Variants in CNNM2 observed in about 807,000 individuals in gnomAD.
CNNM2 encodes the protein cyclin and CBS domain divalent metal cation transport mediator 2.
In CNNM2, 12 loss-of-function variants were observed where a neutral mutation model predicts 66.9. The ratio of observed to expected loss-of-function variants is 0.18; its 90% CI spans 0.11 to 0.29. The LOEUF (loss-of-function observed/expected upper bound fraction) is 0.29, where lower values mean the gene tolerates loss of function less well. CNNM2 is among the 10% of genes least tolerant of loss of function. CNNM2 has a pLI of 1.00. For missense variants in CNNM2, 705 were observed against 1,167.7 expected (o/e 0.60, Z 5.77); for synonymous variants, 557 against 501.8 (o/e 1.11, Z -1.47).
intron 1 of CNNM2, among the ~76,000 whole-genome samples, chr10:102,944,985 T>TGTTTTTG (rs1554890612): frequency 3.3e-5 from 5 of 149,998 alleles, no homozygotes; most frequent in Non-Finnish European, 7.4e-5. Context: ...TTTTGTTTTT[T>TGTTTTTG]TTTTTGGCAA....
chr10:103,074,757 C>G (rs902510416), intron 6 of CNNM2, among the ~76,000 whole-genome samples: 4 of 152,090 alleles, frequency 2.6e-5, no homozygotes, highest in African/African-American at 9.7e-5. Context: ...TCCCCTGAGC[C>G]CAGGAGGTTG....
chr10:102,966,254 TGATG>T (rs1410991911), intron 1 of CNNM2, among the ~76,000 whole-genome samples: 1 of 152,220 alleles, frequency 6.6e-6, no homozygotes, highest in African/African-American at 2.4e-5. Context: ...GATAATGGTT[TGATG>T]GATGGAGGAG....
At chr10:103,006,280 C>T (rs921293318) in intron 1 of CNNM2, among the ~76,000 whole-genome samples, 2 of 150,962 alleles carry the variant, frequency 1.3e-5, no homozygotes, top group East Asian at 3.9e-4. Context: ...GATCTTGGCT[C>T]ACTGCAACCT....
chr10:103,021,387 T>C (rs1451829784), intron 1 of CNNM2, among the ~76,000 whole-genome samples: 1 of 152,084 alleles, frequency 6.6e-6, no homozygotes, highest in Non-Finnish European at 1.5e-5. Context: ...AATGTGTGTG[T>C]GTGAGGAGAC....
Position 102,918,876 on chromosome 10 carries a change from G to A in CNNM2, c.396G>A (p.Glu132=), listed in dbSNP as rs1300342765. Residue 132 remains glutamate (E), a synonymous_variant, in exon 1 of 8, where the codon GAG becomes GAA. Transcript: ENST00000369878. The surrounding 1 kb of genome is among the most constrained non-coding windows in gnomAD (Gnocchi z 4.1). ...AGCGGCGGCGCCACAGCCCGGGGGA[G>A]CGCGGGCTGGGGGGCCCCGCGCCGC... ...EHERRRHSPG[E]RGLGGPAPPE... 2 of 1,608,152 alleles carry A rather than the reference G, an allele frequency of 1.2e-6. No individual in the cohort carries two copies. Among genetic ancestry groups the A allele is most frequent in the Non-Finnish European group, 1.7e-6 (2 of 1,177,214 alleles).
At chr10:103,041,183 G>A (rs1185246681) in intron 1 of CNNM2, among the ~76,000 whole-genome samples, 5 of 152,006 alleles carry the variant, frequency 3.3e-5, no homozygotes, top group African/African-American at 7.3e-5. Context: ...CTCCAGCCCC[G>A]TCTTCCGCCT....
intron 1 of CNNM2, among the ~76,000 whole-genome samples, chr10:103,017,880 C>T (rs573099923): frequency 1.1e-4 from 16 of 148,598 alleles, no homozygotes; most frequent in African/African-American, 4.0e-4. Context: ...AGGAGAATCA[C>T]TTGAGCCTGG....
chr10:102,930,539 A>T (rs2134165696), intron 1 of CNNM2, among the ~76,000 whole-genome samples: 1 of 152,324 alleles, frequency 6.6e-6, no homozygotes, highest in South Asian at 2.1e-4. Context: ...CTTTTTTAAA[A>T]TTTTAAAAAT....
intron 1 of CNNM2, among the ~76,000 whole-genome samples, chr10:102,986,493 T>C (rs1231682917): frequency 6.6e-6 from 1 of 152,092 alleles, no homozygotes; most frequent in African/African-American, 2.4e-5. Flanking sequence ...CATTTGAAAA[T>C]GTCCTGTGGC....
rs762147673 is a variant in CNNM2, at chr10:103,056,937, A to G, written c.2046A>G (p.Pro682=). ...PEYYLYQRNK[P]VDYFVLILQG... is the part of the protein sequence containing the mutation. ...ACTACCTCTACCAGCGCAACAAGCC[A>G]GTAGACTACTTCGTTCTCATTCTGC... Residue 682 remains proline (P), a synonymous_variant, in exon 4 of 8, where the codon CCA becomes CCG. Coordinates refer to ENST00000369878, the MANE Select transcript of CNNM2 (RefSeq NM_017649.5). 8 of 1,612,808 alleles carry G rather than the reference A, an allele frequency of 5.0e-6. No individual in the cohort carries two copies. The highest frequency in any genetic ancestry group is 1.1e-5 in the South Asian group (1 of 90,790).
intron 1 of CNNM2, among the ~76,000 whole-genome samples, chr10:102,948,285 T>G (rs909474569): frequency 2.0e-5 from 3 of 152,110 alleles, no homozygotes; most frequent in African/African-American, 7.2e-5. Flanking sequence ...GGGGGAGAAG[T>G]ACTTAGTGCC....
intron 3 of CNNM2, among the ~76,000 whole-genome samples, chr10:103,055,040 G>A (rs2065274217): frequency 6.6e-6 from 1 of 152,234 alleles, no homozygotes; most frequent in South Asian, 2.1e-4. Flanking sequence ...GGCCTCCTCA[G>A]ATCAGATTAA....
intron 1 of CNNM2, among the ~76,000 whole-genome samples, chr10:102,942,208 A>G (rs1238789978): frequency 2.6e-5 from 4 of 152,210 alleles, no homozygotes; most frequent in African/African-American, 9.7e-5. Context: ...CATTTTAACC[A>G]TCTCAAGTAT....
chr10:102,962,690 C>CTGTG (rs10580172), intron 1 of CNNM2, among the ~76,000 whole-genome samples: 27,052 of 143,624 alleles, frequency 0.19, 2,604 homozygotes, highest in Non-Finnish European at 0.22. Context: ...ATATGATATA[C>CTGTG]TGTGTGTGTG....
At position 103,084,385 on chromosome 10, in the gene CNNM2, C is replaced by T. The variant is rs1053634505; in HGVS notation, c.*7205C>T. On this transcript the variant is annotated 3_prime_UTR_variant, in exon 8 of 8. Coordinates refer to ENST00000369878, the MANE Select transcript of CNNM2 (RefSeq NM_017649.5). ...CCGCTCCCATCTCCCCAGGTATCGC[C>T]CAACTACCTGAAAGTAGAATGAGGT... The T allele has an allele frequency of 1.3e-5, 2 of 152,282 alleles. No individual in the cohort carries two copies. The highest frequency in any genetic ancestry group is 6.5e-5 in the Admixed American group (1 of 15,296). The allele number at this position is 152,282 out of a possible 1,614,324, so 9.4% of individuals were successfully genotyped here.
chr10:103,023,310 G>C (rs1317264295), intron 1 of CNNM2, among the ~76,000 whole-genome samples: 1 of 152,136 alleles, frequency 6.6e-6, no homozygotes, highest in African/African-American at 2.4e-5. Context: ...CCAACACTTT[G>C]GGTGGCTGAC....
At chr10:102,960,783 CTTTTTTTT>C in intron 1 of CNNM2, among the ~76,000 whole-genome samples, 1 of 97,868 alleles carries the variant, frequency 1.0e-5, no homozygotes, top group Middle Eastern at 6.6e-3. Flanking sequence ...CCATACCTGG[CTTTTTTTT>C]TTTTTTTTTT....
chr10:103,005,554 C>T (rs2064209312), intron 1 of CNNM2, among the ~76,000 whole-genome samples: 1 of 151,986 alleles, frequency 6.6e-6, no homozygotes, highest in Non-Finnish European at 1.5e-5. Context: ...GAGGCTGAGG[C>T]AGGAGAACTG....
At position 102,934,866 on chromosome 10, in the gene CNNM2, A is replaced by G. The variant is rs537442135; in HGVS notation, c.1621+14765A>G. Among the ~76,000 whole-genome samples, 4 of 151,808 alleles carry G rather than the reference A, an allele frequency of 2.6e-5. No homozygotes were observed. The South Asian group carries it at 8.4e-4, about 32-fold the overall frequency. ...CTGTATCTAAAAATAAAAAGTTTAA[A>G]AATGATTTTGGGCTGGGCATGGTGG... is the stretch of plus-strand genomic sequence containing the variant. On this transcript the variant is annotated intron_variant, in intron 1 of 7. Coordinates refer to ENST00000369878, the MANE Select transcript of CNNM2 (RefSeq NM_017649.5).
Sources: gnomAD v4.1 joint callset for allele counts (sites outside exome capture counted in the v4.1 genomes callset) on GRCh38, gnomAD v4.1.1 for gene constraint, Gnocchi (gnomAD v3.1) non-coding constraint, MANE v1.5 for transcripts, NCBI Gene and HGNC (gene_info 2026-07-23, HGNC 2026-07-21) for gene names.